Variants in RTBDN observed in about 807,000 individuals in gnomAD.
RTBDN encodes retbindin.
Under a neutral mutation model 21.9 loss-of-function variants are expected in RTBDN, and 24 were observed. The observed-to-expected ratio is 1.10, with a 90% CI of 0.79 to 1.54. RTBDN has a LOEUF of 1.54. Among genes scored for constraint, RTBDN ranks in the 40% most tolerant of loss-of-function variants. The pLI is 0.00. For synonymous variants in RTBDN, 141 were observed against 125.9 expected, an observed-to-expected ratio of 1.12 and a Z score of -0.80; for missense variants, 325 against 315.2, an observed-to-expected ratio of 1.03 and a Z score of -0.23.
chr19:12,826,415 C>T, intron 5 of RTBDN: 5 of 1,263,244 alleles, frequency 4.0e-6, no homozygotes, highest in South Asian at 1.4e-5. Context: ...TGGTGGGGGC[C>T]GGGGGCGGTG....
Position 12,826,391 on chromosome 19 carries a change from G to A in RTBDN, c.462+384C>T, listed in dbSNP as rs772060723. ...AATCCGGTCTCTGGGGTCTAGACACGGTAAGAAAGAACTTGGTGGGGGCCG... is the reference window on the plus strand; with the variant it reads ...AATCCGGTCTCTGGGGTCTAGACACAGTAAGAAAGAACTTGGTGGGGGCCG... On this transcript the variant is annotated intron_variant, in intron 5 of 5. Coordinates refer to ENST00000674343, the MANE Select transcript of RTBDN (RefSeq NM_001270441.2). The A allele has an allele frequency of 2.8e-5, 36 of 1,274,876 alleles. No homozygotes were observed. In the Admixed American group the frequency reaches 9.4e-4, roughly 33 times the overall value. 79.0% of individuals were successfully genotyped at this position (1,274,876 alleles called of 1,614,324 possible).
At chr19:12,825,969 A>G in intron 5 of RTBDN, 36 bp from the exon 6 acceptor site, 2 of 1,519,118 alleles carry the variant, frequency 1.3e-6, no homozygotes, top group Non-Finnish European at 1.8e-6. Flanking sequence ...TAGTGGGCGG[A>G]GTCCAGAGAC....
chr19:12,830,059 A>C lies in RTBDN; in HGVS notation c.-18-62T>G, dbSNP rs1168518601. ...TGTGAGCTTAGGGTGGCACCCACCC[A>C]GTGCATACCCAAGAAGCAGTGCCAG... On this transcript the variant is annotated intron_variant, in intron 1 of 5. Coordinates refer to ENST00000674343, the MANE Select transcript of RTBDN (RefSeq NM_001270441.2). The surrounding 1 kb of genome is among the most constrained non-coding windows in gnomAD (Gnocchi z 4.2). 5 of 1,529,052 alleles carry C rather than the reference A, an allele frequency of 3.3e-6. No homozygotes were observed. Among genetic ancestry groups the C allele is most frequent in the Non-Finnish European group, 4.5e-6 (5 of 1,121,212 alleles). 94.7% of individuals were successfully genotyped at this position (1,529,052 alleles called of 1,614,324 possible). A position where few individuals can be genotyped will look rare whatever the true frequency, so the allele number is the denominator to read the frequency against.
chr19:12,834,820 G>A (rs958983875), upstream of RTBDN: 2 of 1,614,074 alleles, frequency 1.2e-6, no homozygotes, highest in East Asian at 2.2e-5. This position sits in a 1 kb window ranked among gnomAD's most constrained non-coding sequence, Gnocchi z 4.7. Flanking sequence ...GCCGAGAAGC[G>A]TCCTCTGCTC....
chr19:12,827,260 C>G (rs1207888370), intron 4 of RTBDN, among the ~76,000 whole-genome samples: 1 of 151,854 alleles, frequency 6.6e-6, no homozygotes, highest in Non-Finnish European at 1.5e-5. Context: ...CTGGAGCAAT[C>G]CTTCCACCTC....
intron 1 of RTBDN, among the ~76,000 whole-genome samples, chr19:12,831,821 G>A (rs958242873): frequency 1.4e-4 from 21 of 152,172 alleles, no homozygotes; most frequent in African/African-American, 5.1e-4. Flanking sequence ...AGAGGGTATG[G>A]GTGTGTATGT....
In RTBDN at chr19:12,825,735, T is replaced by C. The variant is rs1969261938; in HGVS notation, c.661A>G (p.Ser221Gly). Reference protein sequence around the residue: ...TSILDAAGSGSGSGSGSGP With the variant: ...TSILDAAGSGGGSGSGSGP ...GGGCCGCTGCCGCTTCCACTGCCAC[T>C]CCCGCTGCCCGCAGCGTCCAGGATG... Residue 221 changes from serine (S) to glycine (G), a missense_variant, in exon 6 of 6, where the codon AGT (serine) becomes GGT (glycine). Transcript: ENST00000674343. 3 of 1,581,866 alleles carry C rather than the reference T, an allele frequency of 1.9e-6. No individual in the cohort carries two copies. The highest frequency in any genetic ancestry group is 4.7e-5 in the East Asian group (2 of 42,698).
Position 12,834,332 on chromosome 19 carries a change from G to A in RTBDN, c.-19+157C>T, listed in dbSNP as rs1336212268. Among the ~76,000 whole-genome samples the A allele has an allele frequency of 6.6e-6, 1 of 152,220 alleles. No homozygotes were observed. Among genetic ancestry groups the A allele is most frequent in the Non-Finnish European group, 1.5e-5 (1 of 68,022 alleles). On this transcript the variant is annotated intron_variant, in intron 1 of 5. Transcript: ENST00000674343. This position sits in a 1 kb window ranked among gnomAD's most constrained non-coding sequence, Gnocchi z 4.7. ...GCCCTGGCGCCTCGCCAGGCTAGGG[G>A]TGAGGGGGCGCAGAGCAAAGTTATT...
intron 4 of RTBDN, among the ~76,000 whole-genome samples, 199 bp downstream of exon 4, chr19:12,828,458 T>C (rs1295250198): frequency 1.3e-5 from 2 of 152,112 alleles, no homozygotes; most frequent in Non-Finnish European, 1.5e-5. Flanking sequence ...CACATTGCCA[T>C]ATGGCAGGTA....
At chr19:12,835,057 T>C, upstream of RTBDN, 3 of 1,610,714 alleles carry the variant, frequency 1.9e-6, no homozygotes, top group Non-Finnish European at 2.5e-6. Flanking sequence ...GCCTGAATCT[T>C]GGGAAAAGAG....
In RTBDN at chr19:12,829,795, G is replaced by C; in HGVS notation, c.169+16C>G. The C allele has an allele frequency of 6.2e-7, 1 of 1,602,916 alleles. No individual in the cohort carries two copies. Among genetic ancestry groups the C allele is most frequent in the Non-Finnish European group, 8.5e-7 (1 of 1,171,092 alleles). On this transcript the variant is annotated intron_variant, in intron 2 of 5. Transcript: ENST00000674343. The stretch of plus-strand genomic sequence containing the variant: ...TTTCTGGGTGTTGGTGGTGAGGCAG[G>C]GTCTGGGGTGCTCACCTGCCAGGTG...
At chr19:12,835,035 G>A (rs368875042), upstream of RTBDN, 4 of 1,604,324 alleles carry the variant, frequency 2.5e-6, no homozygotes, top group Admixed American at 3.4e-5. Flanking sequence ...CCAGACTCAG[G>A]CTCCATCCCC....
At position 12,825,753 on chromosome 19, in the gene RTBDN, C is replaced by T. The variant is rs1409568160; in HGVS notation, c.643G>A (p.Asp215Asn). 1 of 1,607,294 alleles carries T rather than the reference C, an allele frequency of 6.2e-7. No homozygotes were observed. Among genetic ancestry groups the T allele is most frequent in the Non-Finnish European group, 8.5e-7 (1 of 1,177,346 alleles). The change falls in exon 6 of 6, where the codon GAC (aspartate) becomes AAC (asparagine). Residue 215 changes from aspartate (D) to asparagine (N), a missense_variant. Transcript: ENST00000674343. ...RSRSPRTSIL[D>N]AAGSGSGSGS... is the part of the protein sequence containing the mutation. Reference sequence around the variant, plus strand: ...CTGCCACTCCCGCTGCCCGCAGCGTCCAGGATGGAGGTGCGAGGGCTGCGG... The same window carrying T: ...CTGCCACTCCCGCTGCCCGCAGCGTTCAGGATGGAGGTGCGAGGGCTGCGG...
chr19:12,833,334 CTGAT>C (rs147887684), intron 1 of RTBDN, among the ~76,000 whole-genome samples: 10,368 of 151,944 alleles, frequency 0.068, 517 homozygotes, highest in African/African-American at 0.13. Context: ...TTAGGGGTCT[CTGAT>C]TGGGGGTATC....
intron 5 of RTBDN, chr19:12,826,312 A>G: frequency 8.2e-7 from 1 of 1,215,836 alleles, no homozygotes; most frequent in Non-Finnish European, 1.0e-6. Context: ...AAAGGGCACA[A>G]CCCAGTAGGA....
Position 12,830,675 on chromosome 19 carries a change from C to T in RTBDN, c.-18-678G>A. On this transcript the variant is annotated intron_variant, in intron 1 of 5. Coordinates refer to ENST00000674343, the MANE Select transcript of RTBDN (RefSeq NM_001270441.2). The surrounding 1 kb of genome is among the most constrained non-coding windows in gnomAD (Gnocchi z 4.2). ...CTCAGGATCCAGTCCAGGAAACTGG[C>T]TGCTGAAAGGGGCGTGGCTTAATGC... 1.0e-6 allele frequency: 1 copy of T among 985,574 alleles called. No homozygotes were observed. The highest frequency in any genetic ancestry group is 1.2e-6 in the Non-Finnish European group (1 of 830,024). The allele number at this position is 985,574 out of a possible 1,614,324, so 61.1% of individuals were successfully genotyped here. A position where few individuals can be genotyped will look rare whatever the true frequency, so the allele number is the denominator to read the frequency against.
chr19:12,830,236 A>G lies in RTBDN; in HGVS notation c.-18-239T>C. The G allele has an allele frequency of 7.9e-7, 1 of 1,265,586 alleles. No individual in the cohort carries two copies. The allele number at this position is 1,265,586 out of a possible 1,614,324, so 78.4% of individuals were successfully genotyped here. ...TGTCCCTTCAGTGCCACCCCAACCA[A>G]GCTTAGACCACAGTGGCCCTCCTCC... On this transcript the variant is annotated intron_variant, in intron 1 of 5. Coordinates refer to ENST00000674343, the MANE Select transcript of RTBDN (RefSeq NM_001270441.2). This position sits in a 1 kb window ranked among gnomAD's most constrained non-coding sequence, Gnocchi z 4.2.
intron 5 of RTBDN, 156 bp downstream of exon 5, chr19:12,826,619 C>T (rs557209278): frequency 1.7e-3 from 1,191 of 703,316 alleles, no homozygotes; most frequent in Middle Eastern, 3.3e-3. Flanking sequence ...ACTTGAACCC[C>T]GGAGGCGGAG....
At chr19:12,835,212 G>T, upstream of RTBDN, 1 of 990,902 alleles carries the variant, frequency 1.0e-6, no homozygotes, top group Middle Eastern at 2.1e-4. Flanking sequence ...CAGGCGTCTG[G>T]GTAACGCCGG....
Sources: allele counts gnomAD v4.1 joint callset (sites outside exome capture counted in the v4.1 genomes callset), GRCh38; gene constraint gnomAD v4.1.1; non-coding constraint Gnocchi (gnomAD v3.1); transcripts MANE v1.5; gene names NCBI Gene and HGNC (gene_info 2026-07-23, HGNC 2026-07-21).